The following STK3 variants were observed in gnomAD, a reference collection of about 807,000 sequenced individuals.
The protein encoded by STK3 is serine/threonine kinase 3.
In STK3, 41 loss-of-function variants were observed where a neutral mutation model predicts 58.0. The ratio of observed to expected loss-of-function variants is 0.71; its 90% CI spans 0.55 to 0.92. The LOEUF is 0.92. Ranked by LOEUF, STK3 falls within the 40% of genes least tolerant of loss-of-function variation. The pLI, the probability that STK3 is intolerant of heterozygous loss-of-function variation, is 0.00. For missense variants in STK3, 479 were observed against 602.7 expected, an observed-to-expected ratio of 0.79 and a Z score of 2.15; for synonymous variants, 170 against 191.0, an observed-to-expected ratio of 0.89 and a Z score of 0.91.
intron 6 of STK3, among the ~76,000 whole-genome samples, chr8:98,687,359 C>T (rs1219840757): frequency 1.3e-5 from 2 of 152,166 alleles, no homozygotes; most frequent in Non-Finnish European, 2.9e-5. Flanking sequence ...AACCTAGATC[C>T]CTTGCACGTG....
rs1564048287 is a variant in STK3, at chr8:98,833,417, G to A, written c.110+50230C>T. Among the ~76,000 whole-genome samples, 3 of 152,144 alleles carry A rather than the reference G, an allele frequency of 2.0e-5. No individual in the cohort carries two copies. In the South Asian group the frequency reaches 6.2e-4, roughly 31 times the overall value. On this transcript the variant is annotated intron_variant, in intron 3 of 12. Transcript: ENST00000523601. ...ACTTCAAAGGGAATAGATGGTAAAT[G>A]TCTCTTATCAGATATTTACCAGTTA...
chr8:98,358,370 G>T, the STK3 span, among the ~76,000 whole-genome samples: 1 of 152,186 alleles, frequency 6.6e-6, no homozygotes, highest in Non-Finnish European at 1.5e-5. Context: ...GGGAGGAACA[G>T]AACTGAACCC....
At chr8:98,505,779 AGG>A (rs1384339845) in intron 10 of STK3, among the ~76,000 whole-genome samples, 1 of 152,098 alleles carries the variant, frequency 6.6e-6, no homozygotes, top group Non-Finnish European at 1.5e-5. Flanking sequence ...TTCATCCCAG[AGG>A]GGCATCTGGC....
chr8:98,826,063 G>T (rs1362746525), upstream of STK3, among the ~76,000 whole-genome samples: 2 of 152,072 alleles, frequency 1.3e-5, no homozygotes, highest in Non-Finnish European at 2.9e-5. Context: ...AGAAGGTTCC[G>T]CTAGAGCTAG....
chr8:98,712,248 C>A (rs371733803), intron 4 of STK3, among the ~76,000 whole-genome samples: 4 of 152,164 alleles, frequency 2.6e-5, no homozygotes, highest in African/African-American at 9.6e-5. Flanking sequence ...AACCAGCTAA[C>A]ATCATAATGA....
chr8:98,576,869 C>G (rs1049788249), intron 8 of STK3, among the ~76,000 whole-genome samples: 3 of 152,160 alleles, frequency 2.0e-5, no homozygotes, highest in African/African-American at 7.2e-5. Context: ...AGGGAACCAC[C>G]AGACAGGTCA....
At chr8:98,723,363 G>C (rs1315831130) in intron 4 of STK3, among the ~76,000 whole-genome samples, 2 of 152,012 alleles carry the variant, frequency 1.3e-5, no homozygotes, top group Non-Finnish European at 2.9e-5. Flanking sequence ...GGTTTTGATA[G>C]GCTTTAGTCC....
chr8:98,827,341 AAAAG>A (rs1764664290), upstream of STK3, among the ~76,000 whole-genome samples: 1 of 152,230 alleles, frequency 6.6e-6, no homozygotes, highest in East Asian at 1.9e-4. Flanking sequence ...TCAAAAAAGA[AAAAG>A]AAAGAAAGAA....
intron 3 of STK3, among the ~76,000 whole-genome samples, chr8:98,766,533 T>C (rs538501119): frequency 6.6e-6 from 1 of 152,164 alleles, no homozygotes; most frequent in Middle Eastern, 3.4e-3. Flanking sequence ...TCCTCCCGCC[T>C]CAGCTTCCCA....
chr8:98,893,371 A>G (rs929898506), intron 1 of STK3, among the ~76,000 whole-genome samples: 2 of 150,202 alleles, frequency 1.3e-5, no homozygotes, highest in African/African-American at 2.5e-5. Flanking sequence ...CCTGGGTGAC[A>G]GAGCAAGACT....
rs191873242 is a variant in STK3, at chr8:98,788,168, A to G, written c.27-13349T>C. 3.3e-3 allele frequency among the ~76,000 whole-genome samples: 495 copies of G among 152,252 alleles called. 1 individual carries two copies. The highest frequency in any genetic ancestry group is 0.011 in the African/African-American group (473 of 41,540). On this transcript the variant is annotated intron_variant, in intron 1 of 10. Transcript: ENST00000419617. Reference sequence around the variant, plus strand: ...TTAAAAGATACAGAACTGGCCGGGCATGGTGGCTCACGGGGGTAATCTCAA... The same window carrying G: ...TTAAAAGATACAGAACTGGCCGGGCGTGGTGGCTCACGGGGGTAATCTCAA...
chr8:98,809,976 G>C (rs1834114766), intron 1 of STK3, among the ~76,000 whole-genome samples: 1 of 152,150 alleles, frequency 6.6e-6, no homozygotes, highest in South Asian at 2.1e-4. Flanking sequence ...TCTGCTTTTG[G>C]GGAAGCCTCA....
At chr8:98,443,228 G>A (rs142630968) in intron 1 of STK3, among the ~76,000 whole-genome samples, 6 of 152,310 alleles carry the variant, frequency 3.9e-5, no homozygotes, top group Middle Eastern at 3.4e-3. Flanking sequence ...AAATACAGCA[G>A]TATTTGCCAC....
intron 10 of STK3, among the ~76,000 whole-genome samples, chr8:98,463,396 A>G (rs1037093477): frequency 2.0e-5 from 3 of 152,254 alleles, no homozygotes; most frequent in African/African-American, 7.2e-5. Context: ...AAAAAAACCA[A>G]GTAAAAGATA....
chr8:98,427,060 T>C (rs1484666362), intron 3 of STK3: 1 of 149,694 alleles, frequency 6.7e-6, no homozygotes, highest in African/African-American at 2.4e-5. Flanking sequence ...CCTCTCTGGG[T>C]GGGTGAGGGG....
chr8:98,824,073 T>C (rs572632063), intron 1 of STK3, among the ~76,000 whole-genome samples: 23 of 152,346 alleles, frequency 1.5e-4, no homozygotes, highest in African/African-American at 5.3e-4. Flanking sequence ...TTAAATATTA[T>C]GAATATGAAA....
chr8:98,669,851 G>C (rs754328156), intron 6 of STK3, among the ~76,000 whole-genome samples: 2 of 152,130 alleles, frequency 1.3e-5, no homozygotes, highest in African/African-American at 2.4e-5. Flanking sequence ...CCAAACACAG[G>C]AAAGATTAAA....
At chr8:98,745,349 G>T (rs886927353) in intron 4 of STK3, among the ~76,000 whole-genome samples, 1 of 152,024 alleles carries the variant, frequency 6.6e-6, no homozygotes, top group South Asian at 2.1e-4. Flanking sequence ...TTAGCCTTTG[G>T]GGGTAGCTTT....
chr8:98,718,339 G>C (rs1008221655), intron 4 of STK3, among the ~76,000 whole-genome samples: 1 of 152,208 alleles, frequency 6.6e-6, no homozygotes, highest in African/African-American at 2.4e-5. Flanking sequence ...ACTAGCTCTA[G>C]ATGAGATCTG....
Sources: allele counts gnomAD v4.1 joint callset (sites outside exome capture counted in the v4.1 genomes callset), GRCh38; gene constraint gnomAD v4.1.1; transcripts MANE v1.5; gene names NCBI Gene and HGNC (gene_info 2026-07-23, HGNC 2026-07-21).